The following XPR1 variants were observed in gnomAD, a reference collection of about 807,000 sequenced individuals.
XPR1 encodes solute carrier family 53 member 1.
A neutral mutation model predicts 87.5 loss-of-function variants in XPR1; 28 were observed. That is an observed-to-expected ratio of 0.32 (90% CI 0.24 to 0.44). The LOEUF (loss-of-function observed/expected upper bound fraction) is 0.44. Among genes scored for constraint, XPR1 ranks in the 20% least tolerant of loss-of-function variants. XPR1 has a pLI of 1.00. For synonymous variants in XPR1, 300 were observed against 306.1 expected, an observed-to-expected ratio of 0.98 and a Z score of 0.21; for missense variants, 559 against 862.3, an observed-to-expected ratio of 0.65 and a Z score of 4.41.
At chr1:180,714,436 A>T (rs1050369549) in intron 2 of XPR1, among the ~76,000 whole-genome samples, 15 of 126,158 alleles carry the variant, frequency 1.2e-4, no homozygotes, top group Admixed American at 5.1e-4. Context: ...GTCTCGTCTC[A>T]TCTTGTTGCC....
intron 2 of XPR1, among the ~76,000 whole-genome samples, chr1:180,723,441 C>A (rs1180914582): frequency 6.6e-6 from 1 of 152,120 alleles, no homozygotes; most frequent in African/African-American, 2.4e-5. Flanking sequence ...AAATGAAATT[C>A]TTTCAGTCAA....
intron 2 of XPR1, among the ~76,000 whole-genome samples, chr1:180,754,593 T>C (rs1647657753): frequency 6.6e-6 from 1 of 152,126 alleles, no homozygotes; most frequent in South Asian, 2.1e-4. Flanking sequence ...CCCGAGTATC[T>C]GGGACTGTAG....
chr1:180,765,777 G>C (rs1233854398), intron 2 of XPR1, among the ~76,000 whole-genome samples: 1 of 151,480 alleles, frequency 6.6e-6, no homozygotes, highest in African/African-American at 2.4e-5. Flanking sequence ...GGTTGAATCT[G>C]AGGTTGGTTG....
chr1:180,823,974 A>G (rs1650730980), intron 7 of XPR1, among the ~76,000 whole-genome samples: 1 of 152,220 alleles, frequency 6.6e-6, no homozygotes, highest in African/African-American at 2.4e-5. Flanking sequence ...TGACATTTAA[A>G]TTTTCACACT....
chr1:180,817,447 G>A (rs997904302), intron 7 of XPR1, among the ~76,000 whole-genome samples: 1 of 152,122 alleles, frequency 6.6e-6, no homozygotes, highest in African/African-American at 2.4e-5. Flanking sequence ...TCCATTCATT[G>A]TAAGTACCCT....
intron 2 of XPR1, among the ~76,000 whole-genome samples, chr1:180,724,383 A>G (rs968145982): frequency 2.0e-5 from 3 of 152,224 alleles, no homozygotes; most frequent in Admixed American, 1.3e-4. Flanking sequence ...AAAAATGAGT[A>G]TAATAGTAAT....
At chr1:180,877,227 C>A (rs751357496) in intron 13 of XPR1, among the ~76,000 whole-genome samples, 6 of 152,144 alleles carry the variant, frequency 3.9e-5, no homozygotes, top group Non-Finnish European at 5.9e-5. Flanking sequence ...ATGGCCAAGA[C>A]TATCCTGAAA....
At position 180,851,981 on chromosome 1, in the gene XPR1, G is replaced by A. The variant is rs550865285; in HGVS notation, c.1502-11727G>A. On this transcript the variant is annotated intron_variant, in intron 11 of 14. Coordinates refer to ENST00000367590, the MANE Select transcript of XPR1 (RefSeq NM_004736.4). ...CAAACATTTACAAAACATCTTCAAT[G>A]TATCAGGCACTACTAGATGCTAGGC... 4.5e-4 allele frequency among the ~76,000 whole-genome samples: 68 copies of A among 151,416 alleles called. 1 individual carries two copies. The Middle Eastern group carries it at 0.01, about 23-fold the overall frequency.
chr1:180,742,802 T>C (rs2331753), intron 2 of XPR1, among the ~76,000 whole-genome samples: 134,815 of 152,106 alleles, frequency 0.89, 60,117 homozygotes, highest in East Asian at 1. Context: ...TTGATTCATA[T>C]ATCTTGAAGC....
intron 11 of XPR1, among the ~76,000 whole-genome samples, chr1:180,840,184 C>G (rs920421389): frequency 2.2e-5 from 3 of 138,026 alleles, no homozygotes; most frequent in Non-Finnish European, 4.6e-5. Context: ...GATTGCGCCA[C>G]TGCAGTCCGC....
chr1:180,781,378 A>C (rs1648932709), intron 2 of XPR1, among the ~76,000 whole-genome samples: 1 of 152,038 alleles, frequency 6.6e-6, no homozygotes, highest in East Asian at 1.9e-4. Context: ...AGTAATGAAA[A>C]TTTGAATGGA....
intron 7 of XPR1, among the ~76,000 whole-genome samples, chr1:180,812,264 TC>T (rs1363633617): frequency 6.6e-6 from 1 of 152,198 alleles, no homozygotes; most frequent in Non-Finnish European, 1.5e-5. Context: ...CTGGGCTCAA[TC>T]CTTCAATCTC....
At chr1:180,826,974 CA>C in intron 9 of XPR1, among the ~76,000 whole-genome samples, 1 of 151,774 alleles carries the variant, frequency 6.6e-6, no homozygotes, top group East Asian at 1.9e-4. Flanking sequence ...GCTAACATGG[CA>C]AAACCCCATC....
At chr1:180,679,213 CA>C (rs930707223) in intron 1 of XPR1, among the ~76,000 whole-genome samples, 30 of 151,666 alleles carry the variant, frequency 2.0e-4, no homozygotes, top group African/African-American at 6.5e-4. Flanking sequence ...AAAAAACAAA[CA>C]AACAAAAAAA....
chr1:180,876,531 G>T lies in XPR1; in HGVS notation c.1808+2589G>T, dbSNP rs139402453. 4.4e-3 allele frequency among the ~76,000 whole-genome samples: 662 copies of T among 152,160 alleles called. 3 individuals carry two copies. Among genetic ancestry groups the T allele is most frequent in the African/African-American group, 0.015 (625 of 41,486 alleles). The stretch of plus-strand genomic sequence containing the variant: ...CATGCCTGTAGTCCCAGCTACTCAG[G>T]AGGCTGAGTTGGGAGAATTGCTTGA... On this transcript the variant is annotated intron_variant, in intron 13 of 14. Coordinates refer to ENST00000367590, the MANE Select transcript of XPR1 (RefSeq NM_004736.4).
At chr1:180,840,374 T>C (rs960958014) in intron 11 of XPR1, among the ~76,000 whole-genome samples, 3 of 151,904 alleles carry the variant, frequency 2.0e-5, no homozygotes, top group Admixed American at 6.6e-5. Context: ...AGGGCAGATA[T>C]ATTTCCCTTC....
chr1:180,647,047 G>A (rs967441751), intron 1 of XPR1, among the ~76,000 whole-genome samples: 19 of 152,200 alleles, frequency 1.2e-4, no homozygotes, highest in African/African-American at 4.1e-4. Flanking sequence ...CACAGCACTA[G>A]CATCACTGCC....
At chr1:180,779,104 A>T (rs1648840616) in intron 2 of XPR1, among the ~76,000 whole-genome samples, 1 of 152,240 alleles carries the variant, frequency 6.6e-6, no homozygotes, top group Middle Eastern at 3.4e-3. Flanking sequence ...GTTCTTTCTT[A>T]TCCTTTAGGT....
At chr1:180,812,418 T>C (rs926756011) in intron 7 of XPR1, among the ~76,000 whole-genome samples, 4 of 152,182 alleles carry the variant, frequency 2.6e-5, no homozygotes, top group Admixed American at 2.6e-4. Context: ...CTAGTAGATA[T>C]CTCAAACTTA....
Sources: allele counts gnomAD v4.1 joint callset (sites outside exome capture counted in the v4.1 genomes callset), GRCh38; gene constraint gnomAD v4.1.1; transcripts MANE v1.5; gene names NCBI Gene and HGNC (gene_info 2026-07-23, HGNC 2026-07-21).